Variants in STK39 observed in about 807,000 individuals in gnomAD.
The protein encoded by STK39 is serine/threonine kinase 39.
Under a neutral mutation model 77.8 loss-of-function variants are expected in STK39, and 20 were observed. That is an observed-to-expected ratio of 0.26 (90% CI 0.18 to 0.37). STK39 has a LOEUF of 0.37. STK39 is among the 10% of genes least tolerant of loss of function. STK39 has a pLI of 1.00. For missense variants in STK39, 479 were observed against 656.5 expected (o/e 0.73, Z 2.95); for synonymous variants, 246 against 234.1 (o/e 1.05, Z -0.47).
chr2:168,132,465 T>C (rs2105512494), intron 8 of STK39, among the ~76,000 whole-genome samples: 1 of 152,226 alleles, frequency 6.6e-6, no homozygotes, highest in Non-Finnish European at 1.5e-5. Context: ...CAGAAGCAAG[T>C]ATTCTAGGCC....
rs556149892 is a variant in STK39, at chr2:168,058,020, A to T, written c.1376+5480T>A. 9.2e-4 allele frequency among the ~76,000 whole-genome samples: 140 copies of T among 152,086 alleles called. 1 individual carries two copies. The Middle Eastern group carries it at 0.014, about 15-fold the overall frequency. ...ATTCACCTGTAAACATGCTTTTTTT[A>T]AAAAAAATCTTCCTTTACCCAATAT... is the stretch of plus-strand genomic sequence containing the variant. On this transcript the variant is annotated intron_variant, in intron 14 of 17. Coordinates refer to ENST00000355999, the MANE Select transcript of STK39 (RefSeq NM_013233.3).
chr2:167,996,877 T>C (rs1683855202), intron 16 of STK39, among the ~76,000 whole-genome samples: 1 of 151,806 alleles, frequency 6.6e-6, no homozygotes, highest in South Asian at 2.1e-4. Context: ...ACAAGGGGAT[T>C]TGCATTTCTC....
At chr2:167,984,494 G>A (rs750031975) in intron 16 of STK39, among the ~76,000 whole-genome samples, 6 of 152,204 alleles carry the variant, frequency 3.9e-5, no homozygotes, top group Non-Finnish European at 8.8e-5. Flanking sequence ...ATGCAGGAGC[G>A]AGGCTGAAGC....
At chr2:168,013,511 G>A (rs901195586) in intron 15 of STK39, among the ~76,000 whole-genome samples, 4 of 152,174 alleles carry the variant, frequency 2.6e-5, no homozygotes, top group Non-Finnish European at 5.9e-5. Flanking sequence ...GAGCTGACTC[G>A]GTTCAAGAGA....
intron 14 of STK39, among the ~76,000 whole-genome samples, chr2:168,032,848 T>A (rs1347332786): frequency 6.6e-6 from 1 of 152,256 alleles, no homozygotes; most frequent in African/African-American, 2.4e-5. Flanking sequence ...CCTCTATGTC[T>A]GAGGCAAAAT....
intron 1 of STK39, among the ~76,000 whole-genome samples, chr2:168,237,987 A>C (rs2105274522): frequency 6.6e-6 from 1 of 152,288 alleles, no homozygotes; most frequent in South Asian, 2.1e-4. Flanking sequence ...AGATGATTCA[A>C]ATTAAAATCT....
intron 1 of STK39, among the ~76,000 whole-genome samples, chr2:168,185,652 G>A (rs1236021148): frequency 6.6e-6 from 1 of 152,096 alleles, no homozygotes; most frequent in Non-Finnish European, 1.5e-5. Flanking sequence ...AGGTCTATGT[G>A]AAATTAACAT....
At chr2:168,136,091 G>A (rs186859918) in intron 8 of STK39, among the ~76,000 whole-genome samples, 4 of 151,586 alleles carry the variant, frequency 2.6e-5, no homozygotes, top group East Asian at 3.9e-4. Flanking sequence ...AAAATGGACC[G>A]GGTGCGGTAG....
intron 1 of STK39, among the ~76,000 whole-genome samples, chr2:168,186,321 C>A (rs1274128862): frequency 1.3e-5 from 2 of 152,146 alleles, no homozygotes; most frequent in Non-Finnish European, 2.9e-5. Context: ...GTTGTTTAAG[C>A]CACTCAGTAT....
At chr2:168,118,004 A>G (rs1425812391) in intron 10 of STK39, among the ~76,000 whole-genome samples, 2 of 152,166 alleles carry the variant, frequency 1.3e-5, no homozygotes, top group African/African-American at 4.8e-5. Flanking sequence ...AACTCTAGCC[A>G]AATTATTTTC....
intron 1 of STK39, among the ~76,000 whole-genome samples, chr2:168,211,047 T>C (rs1287769140): frequency 1.3e-5 from 2 of 152,192 alleles, no homozygotes; most frequent in African/African-American, 4.8e-5. Context: ...ATTAGTCCGT[T>C]TTCTCTATTT....
intron 13 of STK39, among the ~76,000 whole-genome samples, chr2:168,064,320 T>C (rs1685740484): frequency 1.3e-5 from 2 of 152,230 alleles, no homozygotes; most frequent in Admixed American, 1.3e-4. Flanking sequence ...TGATCCATTA[T>C]TATTCTTAAC....
chr2:168,184,982 GT>G (rs1689172773), intron 1 of STK39, among the ~76,000 whole-genome samples: 1 of 152,146 alleles, frequency 6.6e-6, no homozygotes, highest in African/African-American at 2.4e-5. Flanking sequence ...TGCTTTAAGG[GT>G]TTTTATGCAC....
intron 10 of STK39, among the ~76,000 whole-genome samples, chr2:168,100,282 T>C (rs1686786849): frequency 1.3e-5 from 2 of 152,172 alleles, no homozygotes; most frequent in Non-Finnish European, 1.5e-5. Context: ...GTAGATGCCT[T>C]GCCAGCCTTT....
intron 17 of STK39, among the ~76,000 whole-genome samples, chr2:167,956,733 C>T (rs1314956672): frequency 3.2e-5 from 2 of 61,764 alleles, no homozygotes; most frequent in Admixed American, 1.4e-4. Flanking sequence ...CTCTCTCCCC[C>T]CCCGCCCCCT....
intron 1 of STK39, among the ~76,000 whole-genome samples, chr2:168,233,883 G>A (rs1056426299): frequency 1.3e-5 from 2 of 152,056 alleles, no homozygotes; most frequent in African/African-American, 4.8e-5. Context: ...GTTTCATTTG[G>A]ACAGAATCTG....
chr2:168,173,839 G>A (rs554966416), intron 2 of STK39, among the ~76,000 whole-genome samples: 1 of 152,224 alleles, frequency 6.6e-6, no homozygotes, highest in Middle Eastern at 3.4e-3. Context: ...GTGAGCCACC[G>A]CACCCAGTCA....
intron 14 of STK39, among the ~76,000 whole-genome samples, chr2:168,048,850 C>T (rs912780037): frequency 6.6e-6 from 1 of 152,222 alleles, no homozygotes. Flanking sequence ...CTCTGCAATG[C>T]CTCTGATGTG....
intron 13 of STK39, among the ~76,000 whole-genome samples, chr2:168,063,914 G>A (rs1038438257): frequency 6.6e-6 from 1 of 152,172 alleles, no homozygotes; most frequent in Non-Finnish European, 1.5e-5. Context: ...GATCACAAAG[G>A]CTGGGCACCT....
Sources: allele counts gnomAD v4.1 joint callset (sites outside exome capture counted in the v4.1 genomes callset), GRCh38; gene constraint gnomAD v4.1.1; transcripts MANE v1.5; gene names NCBI Gene and HGNC (gene_info 2026-07-23, HGNC 2026-07-21).